The following UBN2 variants were observed in gnomAD, a reference collection of about 807,000 sequenced individuals.
UBN2 encodes ubinuclein 2, also known as ubinuclein-2.
UBN2 carries 35 observed loss-of-function variants against 120.2 expected under a neutral mutation model. The ratio of observed to expected loss-of-function variants is 0.29; its 90% CI spans 0.22 to 0.39. The LOEUF is 0.39. Ranked by LOEUF, UBN2 falls within the 10% of genes least tolerant of loss-of-function variation. The probability of loss-of-function intolerance (pLI) is 1.00; values close to 1 mark genes in which losing one functional copy is unlikely to be tolerated. For missense variants in UBN2, 1,693 were observed against 1,663.2 expected (o/e 1.02, Z -0.31); for synonymous variants, 661 against 648.7 (o/e 1.02, Z -0.29).
the UBN2 span, among the ~76,000 whole-genome samples, chr7:139,316,425 A>G: frequency 1.1e-4 from 16 of 152,166 alleles, no homozygotes; most frequent in African/African-American, 3.9e-4. Context: ...TTTAAATAAT[A>G]GTTTAGTGGG....
the UBN2 span, among the ~76,000 whole-genome samples, chr7:139,317,423 T>C: frequency 6.6e-6 from 1 of 151,762 alleles, no homozygotes; most frequent in Non-Finnish European, 1.5e-5. Context: ...CGTTTTTTCT[T>C]TTTTTTTGGC....
intron 13 of UBN2, among the ~76,000 whole-genome samples, 178 bp from the exon 14 acceptor site, chr7:139,281,827 T>C (rs1465498693): frequency 1.3e-5 from 2 of 152,218 alleles, no homozygotes; most frequent in Non-Finnish European, 2.9e-5. Context: ...ACAAATGTGT[T>C]TCATCTGCAT....
intron 6 of UBN2, among the ~76,000 whole-genome samples, chr7:139,264,205 C>T (rs978177761): frequency 5.3e-5 from 8 of 152,104 alleles, no homozygotes; most frequent in Non-Finnish European, 8.8e-5. Context: ...CTATCAATTC[C>T]GTATTACTTT....
At chr7:139,327,094 C>T in the UBN2 span, among the ~76,000 whole-genome samples, 6 of 152,258 alleles carry the variant, frequency 3.9e-5, no homozygotes, top group East Asian at 5.8e-4. Flanking sequence ...AATGCAATGG[C>T]GCGATCTCAG....
At chr7:139,285,964 G>C (rs188231838) in intron 15 of UBN2, among the ~76,000 whole-genome samples, 1 of 151,898 alleles carries the variant, frequency 6.6e-6, no homozygotes, top group Admixed American at 6.6e-5. Context: ...AGTCTTCTCT[G>C]TTGCCAGGCT....
rs1161484759 is a variant in UBN2, at chr7:139,289,414, C to CTTTTTTTTTTTTTTTTTTT, written c.3670-3802_3670-3801insTTTTTTTTTTTTTTTTTTT. Among the ~76,000 whole-genome samples the CTTTTTTTTTTTTTTTTTTT allele has an allele frequency of 1.5e-3, 183 of 125,734 alleles. 6 individuals are homozygous for CTTTTTTTTTTTTTTTTTTT. The highest frequency in any genetic ancestry group is 3.3e-3 in the Admixed American group (37 of 11,066). 82.5% of individuals were successfully genotyped at this position (125,734 alleles called of 152,430 possible). The stretch of plus-strand genomic sequence containing the variant: ...ATTGCCCTCCCTAATTTACATTTTG[C>CTTTTTTTTTTTTTTTTTTT]TTTTTTTTTTTTTTTTGAGACAGGG... On this transcript the variant is annotated intron_variant, in intron 15 of 17. Coordinates refer to ENST00000473989, the MANE Select transcript of UBN2 (RefSeq NM_173569.4).
chr7:139,273,958 C>A lies in UBN2; in HGVS notation c.1857C>A (p.Ile619=), dbSNP rs1563218031. The change falls in exon 11 of 18, where the codon ATC becomes ATA. Residue 619 remains isoleucine, a synonymous_variant. Coordinates refer to ENST00000473989, the MANE Select transcript of UBN2 (RefSeq NM_173569.4). ...IRTLLCNLVE[I]KLGCYELEPN... ...CTTTGTTATGTAACCTTGTTGAGAT[C>A]AAATTGGGATGCTATGAGTTAGAAC... 1 of 1,610,640 alleles carries A rather than the reference C, an allele frequency of 6.2e-7. No individual in the cohort carries two copies.
At chr7:139,287,532 A>G (rs1207887123) in intron 15 of UBN2, among the ~76,000 whole-genome samples, 2 of 152,120 alleles carry the variant, frequency 1.3e-5, no homozygotes, top group Non-Finnish European at 2.9e-5. Flanking sequence ...CTGTCTAACA[A>G]ATAATTGGTT....
chr7:139,311,257 A>G (rs1798443400), downstream of UBN2, among the ~76,000 whole-genome samples: 1 of 152,338 alleles, frequency 6.6e-6, no homozygotes, highest in African/African-American at 2.4e-5. Flanking sequence ...CTGACGTGTC[A>G]TGGGTGTCCG....
intron 14 of UBN2, among the ~76,000 whole-genome samples, chr7:139,282,500 A>G (rs887973013): frequency 6.6e-6 from 1 of 152,154 alleles, no homozygotes; most frequent in Non-Finnish European, 1.5e-5. Context: ...CTTGGATTGA[A>G]TCGTCTGCCA....
chr7:139,251,903 T>A, intron 2 of UBN2, 53 bp from the exon 3 acceptor site: 3 of 1,553,266 alleles, frequency 1.9e-6, no homozygotes, highest in East Asian at 2.2e-5. Flanking sequence ...CTTTTTAAAC[T>A]TTATGGAAAC....
intron 13 of UBN2, among the ~76,000 whole-genome samples, chr7:139,281,087 C>T (rs553215901): frequency 3.4e-4 from 51 of 152,114 alleles, no homozygotes; most frequent in Middle Eastern, 3.2e-3. Flanking sequence ...TAGTACCCTC[C>T]ATAAAGGATT....
downstream of UBN2, among the ~76,000 whole-genome samples, chr7:139,308,440 G>T (rs1798402231): frequency 6.6e-6 from 1 of 152,122 alleles, no homozygotes; most frequent in South Asian, 2.1e-4. Flanking sequence ...CTGTCACAAA[G>T]CTACATTTTG....
In UBN2 at chr7:139,282,435, G is replaced by A. The variant is rs1051781496; in HGVS notation, c.2118+380G>A. Among the ~76,000 whole-genome samples, 9 of 152,188 alleles carry A rather than the reference G, an allele frequency of 5.9e-5. No individual in the cohort carries two copies. In the South Asian group the frequency reaches 1.9e-3, roughly 32 times the overall value. ...TATATATTGAATAAATGACAAATGA[G>A]TAATTTACAAATAAATTACAGATTC... is the stretch of plus-strand genomic sequence containing the variant. On this transcript the variant is annotated intron_variant, in intron 14 of 17. Coordinates refer to ENST00000473989, the MANE Select transcript of UBN2 (RefSeq NM_173569.4).
intron 13 of UBN2, 55 bp downstream of exon 13, chr7:139,279,415 A>G: frequency 7.3e-7 from 1 of 1,375,916 alleles, no homozygotes; most frequent in Non-Finnish European, 1.0e-6. Flanking sequence ...GTTGAAATAC[A>G]TTCCTAAGAT....
chr7:139,240,167 T>C (rs1455913702), intron 2 of UBN2, among the ~76,000 whole-genome samples: 1 of 152,062 alleles, frequency 6.6e-6, no homozygotes, highest in Admixed American at 6.6e-5. Flanking sequence ...CTATATTTCT[T>C]CTCTGGATTT....
chr7:139,283,327 A>G lies in UBN2; in HGVS notation c.2422A>G (p.Ser808Gly). Residue 808 changes from serine to glycine, a missense_variant, in exon 15 of 18, where the codon AGT becomes GGT. Around this residue, in one of 5 missense-constraint regions of UBN2, gnomAD observed 837 missense variants for 817.6 expected, o/e 1.02. Coordinates refer to ENST00000473989, the MANE Select transcript of UBN2 (RefSeq NM_173569.4). ...AGGACTGAGAGAAGAAAAATTAGCAAGTATCATGAGTAAGCTGCCACTAGC... is the reference window on the plus strand; with the variant it reads ...AGGACTGAGAGAAGAAAAATTAGCAGGTATCATGAGTAAGCTGCCACTAGC... ...RPGLREEKLA[S>G]IMSKLPLATP... 1.2e-6 allele frequency: 2 copies of G among 1,614,016 alleles called. No homozygotes were observed. The highest frequency in any genetic ancestry group is 1.7e-6 in the Non-Finnish European group (2 of 1,179,996).
chr7:139,282,984 T>A (rs769027158), intron 14 of UBN2, 40 bp from the exon 15 acceptor site: 34 of 1,403,460 alleles, frequency 2.4e-5, no homozygotes, highest in Non-Finnish European at 2.9e-5. Context: ...AATTTTTTAT[T>A]CACCATTTCT....
intron 2 of UBN2, among the ~76,000 whole-genome samples, chr7:139,241,955 G>A (rs973849155): frequency 2.6e-4 from 40 of 152,114 alleles, no homozygotes; most frequent in African/African-American, 9.2e-4. Flanking sequence ...CCGAAATCAC[G>A]CCGTTGTACT....
Sources: gnomAD v4.1 joint callset for allele counts (sites outside exome capture counted in the v4.1 genomes callset) on GRCh38, gnomAD v4.1.1 for gene constraint, gnomAD v4.1.1 regional missense constraint, MANE v1.5 for transcripts, NCBI Gene and HGNC (gene_info 2026-07-23, HGNC 2026-07-21) for gene names.